The following DHX58 variants were observed in gnomAD, a reference collection of about 807,000 sequenced individuals.
DHX58 encodes DExH-box helicase 58.
Under a neutral mutation model 65.0 loss-of-function variants are expected in DHX58, and 51 were observed. The ratio of observed to expected loss-of-function variants is 0.78; its 90% CI spans 0.63 to 0.99. DHX58 has a LOEUF of 0.99. DHX58 is among the 50% of genes least tolerant of loss of function. DHX58 has a pLI of 0.00. For synonymous variants in DHX58, 350 were observed against 365.0 expected (o/e 0.96, Z 0.47); for missense variants, 773 against 891.8 (o/e 0.87, Z 1.70).
Position 42,104,756 on chromosome 17 carries a change from G to A in DHX58, c.1563+10C>T, listed in dbSNP as rs201644856. 46 of 1,613,388 alleles carry A rather than the reference G, an allele frequency of 2.9e-5. No homozygotes were observed. The highest frequency in any genetic ancestry group is 2.2e-4 in the Admixed American group (13 of 60,010). ...ATCCCTCCCACAGGGCATGCAGGCT[G>A]CCTGCAGACCTTGGCCTGGTACTCG... On this transcript the variant is annotated intron_variant, in intron 11 of 13. Coordinates refer to ENST00000251642, the MANE Select transcript of DHX58 (RefSeq NM_024119.3).
intron 12 of DHX58, 30 bp downstream of exon 12, chr17:42,103,578 C>T: frequency 6.2e-7 from 1 of 1,612,266 alleles, no homozygotes; most frequent in Non-Finnish European, 8.5e-7. Context: ...CCCAGGCCCC[C>T]ATCCCAGTAG....
rs782657299 is a variant in DHX58, at chr17:42,105,050, C to T, written c.1369G>A (p.Gly457Arg). Residue 457 changes from glycine to arginine, a missense_variant, in exon 10 of 14, where the codon GGG becomes AGG. Gly to Arg is a moderately radical substitution (Grantham distance 125). Transcript: ENST00000251642. ...IPHCNVVVRY[G>R]LLTNEISMVQ... ...ATGGAGATTTCATTGGTCAAGAGCC[C>T]ATAACGCACCACCACATTGCAATGT... The T allele has an allele frequency of 6.2e-7, 1 of 1,613,660 alleles. No homozygotes were observed. The highest frequency in any genetic ancestry group is 8.5e-7 in the Non-Finnish European group (1 of 1,179,958).
rs140215869 is a variant in DHX58, at chr17:42,108,681, C to T, written c.679-573G>A. The stretch of plus-strand genomic sequence containing the variant: ...AGCTGCTGACCCTGACAGAGCTGGC[C>T]TTGCCGGCCAGGGAGAGCAGCTGCA... On this transcript the variant is annotated intron_variant, in intron 6 of 13. Transcript: ENST00000251642. Among the ~76,000 whole-genome samples the T allele has an allele frequency of 2.6e-3, 400 of 152,368 alleles. 3 individuals carry two copies. Among genetic ancestry groups the T allele is most frequent in the African/African-American group, 9.2e-3 (383 of 41,584 alleles).
intron 9 of DHX58, 72 bp downstream of exon 9, chr17:42,105,664 A>C: frequency 6.7e-7 from 1 of 1,498,042 alleles, no homozygotes; most frequent in South Asian, 1.4e-5. Context: ...CTCTGTGCTG[A>C]AGACCCTGTT....
chr17:42,111,914 A>T (rs925189104), intron 2 of DHX58, 21 bp from the exon 3 acceptor site: 16 of 1,590,636 alleles, frequency 1.0e-5, no homozygotes, highest in Non-Finnish European at 1.4e-5. Flanking sequence ...CAGGGGACTC[A>T]GACCCACCGA....
intron 5 of DHX58, among the ~76,000 whole-genome samples, chr17:42,109,890 C>CA (rs869283831): frequency 0.28 from 28,833 of 104,444 alleles, 4,404 homozygotes; most frequent in African/African-American, 0.51. Context: ...GACTCCGTCT[C>CA]AAAAAAAAAA....
intron 2 of DHX58, 30 bp from the exon 3 acceptor site, chr17:42,111,923 G>C (rs181721231): frequency 3.9e-5 from 61 of 1,583,896 alleles, no homozygotes; most frequent in Non-Finnish European, 5.2e-5. Flanking sequence ...CAGACCCACC[G>C]ACTCCTCCAC....
At chr17:42,110,966 C>T (rs2054141031) in intron 4 of DHX58, 53 bp from the exon 5 acceptor site, 6 of 1,522,464 alleles carry the variant, frequency 3.9e-6, no homozygotes, top group Non-Finnish European at 5.3e-6. Context: ...CCCTTCCTCC[C>T]ATCAGCTTTC....
chr17:42,110,993 G>C, intron 4 of DHX58, 80 bp from the exon 5 acceptor site: 3 of 1,453,562 alleles, frequency 2.1e-6, no homozygotes, highest in South Asian at 2.7e-5. Flanking sequence ...TCCCCACAAT[G>C]ATGTAAGAAT....
intron 11 of DHX58, 51 bp downstream of exon 11, chr17:42,104,715 G>A (rs781939650): frequency 1.7e-5 from 27 of 1,599,366 alleles, no homozygotes; most frequent in Non-Finnish European, 6.8e-6. Context: ...TGCCAGGGAG[G>A]GGCTCCCTCC....
rs1369917937 is a variant in DHX58, at chr17:42,102,555, G to C, written c.1755-243C>G. The C allele has an allele frequency of 9.2e-6, 4 of 437,000 alleles. No homozygotes were observed. The East Asian group carries it at 1.2e-4, about 13-fold the overall frequency. The allele number at this position is 437,000 out of a possible 1,614,324, so 27.1% of individuals were successfully genotyped here. ...TACCTGGTCTTCACAGTCTCCTTAT[G>C]GGTCTCTCTGCCTCCATTTTTACTC... On this transcript the variant is annotated intron_variant, in intron 12 of 13. Transcript: ENST00000251642.
In DHX58 at chr17:42,107,623, C is replaced by G; in HGVS notation, c.978G>C (p.Arg326=). The G allele has an allele frequency of 1.2e-6, 2 of 1,606,120 alleles. No homozygotes were observed. The highest frequency in any genetic ancestry group is 1.7e-6 in the Non-Finnish European group (2 of 1,175,526). The change falls in exon 8 of 14, where the codon CGG becomes CGC. Residue 326 remains arginine, a synonymous_variant. Coordinates refer to ENST00000251642, the MANE Select transcript of DHX58 (RefSeq NM_024119.3). ...TKTQILCAER[R]LLALFDDRKN... is the part of the protein sequence containing the mutation. ...CCTCACCATCGAACAGGGCCAGCAG[C>G]CGGCGCTCGGCACACAGGATCTGGG... is the stretch of plus-strand genomic sequence containing the variant.
intron 8 of DHX58, among the ~76,000 whole-genome samples, chr17:42,106,397 G>A (rs1304335407): frequency 7.5e-6 from 1 of 133,014 alleles, no homozygotes; most frequent in Non-Finnish European, 1.5e-5. Flanking sequence ...TGGCGGAGGA[G>A]GTTCTCACAG....
At chr17:42,103,535 A>C (rs1213080063) in intron 12 of DHX58, 73 bp downstream of exon 12, 3 of 1,565,822 alleles carry the variant, frequency 1.9e-6, no homozygotes, top group Middle Eastern at 1.8e-4. Flanking sequence ...TAGCTTCCCA[A>C]AGCTTCAAAG....
At chr17:42,112,062 A>T (rs993726689) in intron 2 of DHX58, 51 bp downstream of exon 2, 1 of 800,546 alleles carries the variant, frequency 1.2e-6, no homozygotes, top group Non-Finnish European at 1.9e-6. Context: ...CAAAAGGGGG[A>T]GGCGGGAGTA....
In DHX58 at chr17:42,104,990, G is replaced by C. The variant is rs376863750; in HGVS notation, c.1401+28C>G. ...GGGCCCCACACAGGATCCTATAAGG[G>C]CGGCTGAGTGGAGGAGGATGTGAGT... On this transcript the variant is annotated intron_variant, in intron 10 of 13. Coordinates refer to ENST00000251642, the MANE Select transcript of DHX58 (RefSeq NM_024119.3). The C allele has an allele frequency of 3.0e-5, 49 of 1,612,354 alleles. No homozygotes were observed. In the African/African-American group the frequency reaches 5.5e-4, roughly 18 times the overall value.
chr17:42,104,523 T>C (rs555741696), intron 11 of DHX58, among the ~76,000 whole-genome samples: 12 of 152,226 alleles, frequency 7.9e-5, no homozygotes, highest in African/African-American at 2.9e-4. Flanking sequence ...ATACATAAAG[T>C]ATCTCATGGC....
intron 5 of DHX58, 49 bp downstream of exon 5, chr17:42,110,674 A>C (rs2054135265): frequency 2.6e-6 from 4 of 1,522,574 alleles, no homozygotes; most frequent in Non-Finnish European, 3.5e-6. Flanking sequence ...GGAGGGAGGG[A>C]AGTCCCTGGT....
In DHX58 at chr17:42,107,657, A is replaced by C; in HGVS notation, c.944T>G (p.Val315Gly). 6.3e-7 allele frequency: 1 copy of C among 1,587,060 alleles called. No individual in the cohort carries two copies. The highest frequency in any genetic ancestry group is 1.1e-5 in the South Asian group (1 of 90,554). Reference sequence around the variant, plus strand: ...GGCACACAGGATCTGGGTTTTAGTGACGTGCTCCCTGTGATAGAAATCCTG... The same window carrying C: ...GGCACACAGGATCTGGGTTTTAGTGCCGTGCTCCCTGTGATAGAAATCCTG... Reference protein sequence around the residue: ...ALQDFYHREHVTKTQILCAER... With the variant: ...ALQDFYHREHGTKTQILCAER... Residue 315 changes from valine (V) to glycine (G), a missense_variant, in exon 8 of 14, where the codon GTC becomes GGC. Transcript: ENST00000251642.
Sources: allele counts gnomAD v4.1 joint callset (sites outside exome capture counted in the v4.1 genomes callset), GRCh38; gene constraint gnomAD v4.1.1; transcripts MANE v1.5; gene names NCBI Gene and HGNC (gene_info 2026-07-23, HGNC 2026-07-21).